PRPF18: variants seen among roughly 807,000 people sequenced by gnomAD.
The protein encoded by PRPF18 is pre-mRNA-splicing factor 18.
A neutral mutation model predicts 46.5 loss-of-function variants in PRPF18; 38 were observed. That is an observed-to-expected ratio of 0.82 (90% confidence interval 0.63 to 1.07). PRPF18 has a LOEUF of 1.07. PRPF18 is among the 50% of genes least tolerant of loss of function. The pLI is 0.00. For missense variants in PRPF18, 263 were observed against 410.0 expected (o/e 0.64, Z 3.10); for synonymous variants, 152 against 146.7 (o/e 1.04, Z -0.26).
downstream of PRPF18, among the ~76,000 whole-genome samples, chr10:13,635,670 T>C (rs1193600073): frequency 1.3e-5 from 2 of 152,214 alleles, no homozygotes; most frequent in Non-Finnish European, 2.9e-5. Flanking sequence ...TTTCTTCTTG[T>C]GTTTGTTGGC....
At chr10:13,617,023 T>C (rs1441618034) in intron 9 of PRPF18, among the ~76,000 whole-genome samples, 3 of 152,236 alleles carry the variant, frequency 2.0e-5, no homozygotes, top group Admixed American at 1.3e-4. Context: ...AACACTTCTT[T>C]AGTCATGTGA....
At chr10:13,597,761 G>A (rs2133291750) in intron 2 of PRPF18, 14 of 1,128,360 alleles carry the variant, frequency 1.2e-5, no homozygotes, top group Non-Finnish European at 1.7e-5. Context: ...TTGGCTTTTT[G>A]TGGACGGCAT....
chr10:13,591,915 G>T (rs758019945), intron 1 of PRPF18: 1 of 1,389,360 alleles, frequency 7.2e-7, no homozygotes, highest in Non-Finnish European at 9.7e-7. Flanking sequence ...GTTTTCTCAC[G>T]TGTCAACTGA....
intron 1 of PRPF18, among the ~76,000 whole-genome samples, chr10:13,591,154 C>A (rs2079955700): frequency 6.6e-6 from 1 of 152,182 alleles, no homozygotes; most frequent in East Asian, 1.9e-4. Context: ...TGTAAGGGAA[C>A]ATACACAACT....
At chr10:13,617,814 C>T (rs924617185) in intron 9 of PRPF18, among the ~76,000 whole-genome samples, 1 of 151,974 alleles carries the variant, frequency 6.6e-6, no homozygotes, top group East Asian at 1.9e-4. Flanking sequence ...CTCCATTGTT[C>T]TTCCTTTTTA....
intron 1 of PRPF18, among the ~76,000 whole-genome samples, chr10:13,588,457 G>A (rs1234545790): frequency 2.0e-5 from 3 of 151,284 alleles, no homozygotes; most frequent in Non-Finnish European, 4.4e-5. Flanking sequence ...CGCGCGTCTA[G>A]TCCCGGCTGC....
Position 13,630,282 on chromosome 10 carries a change from T to A in PRPF18, c.971T>A (p.Ile324Asn). ...YIQGLKRLMT[I>N]CQKHFPTDPS... is the part of the protein sequence containing the mutation. ...TAGGGATTGAAGAGGTTAATGACCATTTGCCAGAAACACTTTCCTACAGAC... is the reference window on the plus strand; with the variant it reads ...TAGGGATTGAAGAGGTTAATGACCAATTGCCAGAAACACTTTCCTACAGAC... The change falls in exon 10 of 10, where the codon ATT (isoleucine) becomes AAT (asparagine). Residue 324 changes from isoleucine (I) to asparagine (N), a missense_variant. Coordinates refer to ENST00000378572, the MANE Select transcript of PRPF18 (RefSeq NM_003675.4). 2 of 1,612,018 alleles carry A rather than the reference T, an allele frequency of 1.2e-6. No homozygotes were observed. Among genetic ancestry groups the A allele is most frequent in the South Asian group, 2.2e-5 (2 of 91,038 alleles).
At chr10:13,654,848 A>G in the PRPF18 span, 21 of 357,180 alleles carry the variant, frequency 5.9e-5, no homozygotes, top group African/African-American at 4.0e-4. Context: ...TACAGCAGCA[A>G]AGAATCTGAT....
At chr10:13,654,349 C>T in the PRPF18 span, 15 of 1,016,620 alleles carry the variant, frequency 1.5e-5, no homozygotes, top group Middle Eastern at 1.6e-3. Context: ...CCTTATGTCA[C>T]CAGGATCTGA....
intron 3 of PRPF18, among the ~76,000 whole-genome samples, chr10:13,603,680 T>C (rs900536144): frequency 3.3e-5 from 5 of 152,236 alleles, no homozygotes; most frequent in African/African-American, 9.6e-5. Context: ...TGGATAGGAC[T>C]GAATGTAAGT....
rs531635445 is a variant in PRPF18 at position 13,619,384 on chromosome 10, T to C, written c.948+2831T>C. On this transcript the variant is annotated intron_variant, in intron 9 of 9. Transcript: ENST00000378572. ...TAGACTCACAAGAAGTTGCAAAAAATAGTAAGAAGCTTTTTAATAGGCAGA... is the reference window on the plus strand; with the variant it reads ...TAGACTCACAAGAAGTTGCAAAAAACAGTAAGAAGCTTTTTAATAGGCAGA... Among the ~76,000 whole-genome samples, 290 of 152,316 alleles carry C rather than the reference T, an allele frequency of 1.9e-3. 2 individuals carry two copies. In the Middle Eastern group the frequency reaches 0.024, roughly 13 times the overall value.
At chr10:13,647,103 G>T in the PRPF18 span, 1 of 226,120 alleles carries the variant, frequency 4.4e-6, no homozygotes, top group African/African-American at 2.3e-5. Flanking sequence ...AGCCAGGCCT[G>T]CACTGAGAAG....
chr10:13,613,420 A>C (rs946514875), intron 6 of PRPF18, among the ~76,000 whole-genome samples: 2 of 140,690 alleles, frequency 1.4e-5, no homozygotes, highest in Non-Finnish European at 3.1e-5. Flanking sequence ...TTTTATGTAT[A>C]TAATACAAAT....
intron 1 of PRPF18, chr10:13,591,710 C>T (rs946183495): frequency 8.4e-5 from 71 of 843,754 alleles, no homozygotes; most frequent in Non-Finnish European, 3.0e-5. Context: ...ATTTTTACAT[C>T]GCTGATAACA....
In PRPF18 at chr10:13,610,316, C is replaced by A. The variant is rs1289162029; in HGVS notation, c.510+131C>A. The A allele has an allele frequency of 3.8e-6, 4 of 1,039,746 alleles. No individual in the cohort carries two copies. In the East Asian group the frequency reaches 7.8e-5, roughly 20 times the overall value. 64.4% of individuals were successfully genotyped at this position (1,039,746 alleles called of 1,614,324 possible). A position where few individuals can be genotyped will look rare whatever the true frequency, so the allele number is the denominator to read the frequency against. On this transcript the variant is annotated intron_variant, in intron 5 of 9. Transcript: ENST00000378572. ...TGGTCTTTTGTTTATTTACTCCTCG[C>A]TTTTATTTATTTACTCCCCTTTTTC... is the stretch of plus-strand genomic sequence containing the variant.
At chr10:13,617,159 T>G (rs1009536443) in intron 9 of PRPF18, among the ~76,000 whole-genome samples, 1 of 152,224 alleles carries the variant, frequency 6.6e-6, no homozygotes, top group African/African-American at 2.4e-5. Flanking sequence ...ATGTAGTGTT[T>G]GCCAGATTGT....
At chr10:13,592,632 C>G (rs1390932523) in intron 1 of PRPF18, among the ~76,000 whole-genome samples, 1 of 152,208 alleles carries the variant, frequency 6.6e-6, no homozygotes, top group Non-Finnish European at 1.5e-5. Context: ...GGTGTAACCA[C>G]CCTGAGGTAA....
chr10:13,646,991 T>G, the PRPF18 span: 1 of 984,254 alleles, frequency 1.0e-6, no homozygotes, highest in Non-Finnish European at 1.2e-6. Flanking sequence ...ATCAGCTAGT[T>G]CTGGATAGAG....
At chr10:13,615,919 C>A (rs1485965598) in intron 8 of PRPF18, among the ~76,000 whole-genome samples, 1 of 152,124 alleles carries the variant, frequency 6.6e-6, no homozygotes, top group Non-Finnish European at 1.5e-5. Flanking sequence ...ACATACTGAG[C>A]CCCCACTTCC....
Sources: allele counts gnomAD v4.1 joint callset (sites outside exome capture counted in the v4.1 genomes callset), GRCh38; gene constraint gnomAD v4.1.1; transcripts MANE v1.5; gene names NCBI Gene and HGNC (gene_info 2026-07-23, HGNC 2026-07-21).